ARHGEF3: variants seen among roughly 807,000 people sequenced by gnomAD.
The protein encoded by ARHGEF3 is Rho guanine nucleotide exchange factor 3.
ARHGEF3 carries 28 observed loss-of-function variants against 63.2 expected under a neutral mutation model. That is an observed-to-expected ratio of 0.44 (90% CI 0.33 to 0.61). The LOEUF (loss-of-function observed/expected upper bound fraction) is 0.61. Ranked by LOEUF, ARHGEF3 falls within the 20% of genes least tolerant of loss-of-function variation. ARHGEF3 has a pLI of 0.03. For synonymous variants in ARHGEF3, 266 were observed against 254.2 expected (o/e 1.05, Z -0.44); for missense variants, 533 against 659.3 (o/e 0.81, Z 2.10).
chr3:57,046,004 T>C lies in ARHGEF3; in HGVS notation c.-27-10828A>G, dbSNP rs141452733. 2.6e-3 allele frequency among the ~76,000 whole-genome samples: 389 copies of C among 151,700 alleles called. 5 individuals carry two copies. Among genetic ancestry groups the C allele is most frequent in the South Asian group, 0.018 (88 of 4,792 alleles). ...AAATGCTTAAGTACAGCATACTTCATGCCCAGAGTGCTTCAAAATGCAGAA... is the reference window on the plus strand; with the variant it reads ...AAATGCTTAAGTACAGCATACTTCACGCCCAGAGTGCTTCAAAATGCAGAA... On this transcript the variant is annotated intron_variant, in intron 1 of 12. Transcript: ENST00000338458.
chr3:57,034,656 C>CTTAATTCTT (rs1431237799), intron 2 of ARHGEF3, among the ~76,000 whole-genome samples: 6 of 109,516 alleles, frequency 5.5e-5, no homozygotes, highest in African/African-American at 2.2e-4. Flanking sequence ...ACTCCAAATT[C>CTTAATTCTT]TTTTTTTTTT....
chr3:56,865,363 T>G (rs1282156080), intron 4 of ARHGEF3, among the ~76,000 whole-genome samples: 2 of 152,190 alleles, frequency 1.3e-5, no homozygotes, highest in Non-Finnish European at 2.9e-5. Flanking sequence ...CAGCAAGTTG[T>G]CAACAGCTAT....
chr3:57,037,819 G>A (rs1265711200), intron 1 of ARHGEF3, among the ~76,000 whole-genome samples: 1 of 152,180 alleles, frequency 6.6e-6, no homozygotes, highest in East Asian at 1.9e-4. Context: ...AGCTTGCAGT[G>A]AGCCAAGATT....
chr3:56,968,177 TAA>T (rs1237704113), intron 2 of ARHGEF3, among the ~76,000 whole-genome samples: 11 of 20,970 alleles, frequency 5.2e-4, no homozygotes, highest in East Asian at 0.013. Flanking sequence ...ATAATATATA[TAA>T]AAATATATAT....
intron 1 of ARHGEF3, among the ~76,000 whole-genome samples, chr3:56,799,544 G>A (rs1294315162): frequency 6.6e-6 from 1 of 152,140 alleles, no homozygotes; most frequent in Admixed American, 6.5e-5. Flanking sequence ...TCAATGCCTA[G>A]CTTATAAACA....
chr3:56,753,871 T>C (rs1185607422), intron 3 of ARHGEF3, among the ~76,000 whole-genome samples: 5 of 152,204 alleles, frequency 3.3e-5, no homozygotes, highest in African/African-American at 1.2e-4. Context: ...GTAAAATAAT[T>C]ACAGTGTGAG....
At chr3:56,774,511 A>C (rs1231023354) in intron 1 of ARHGEF3, among the ~76,000 whole-genome samples, 1 of 152,236 alleles carries the variant, frequency 6.6e-6, no homozygotes, top group Non-Finnish European at 1.5e-5. Flanking sequence ...CACATAAAAC[A>C]TTAGTTGCAA....
chr3:56,956,217 G>GTT (rs57803439), intron 3 of ARHGEF3, among the ~76,000 whole-genome samples: 13 of 149,814 alleles, frequency 8.7e-5, no homozygotes, highest in African/African-American at 2.0e-4. Flanking sequence ...CAGGGTTGGT[G>GTT]TTTTTTTTTT....
Position 56,795,655 on chromosome 3 carries a change from CT to C in ARHGEF3, c.96+6047del, listed in dbSNP as rs11306302. 0.013 allele frequency among the ~76,000 whole-genome samples: 1,749 copies of C among 130,404 alleles called. 91 individuals are homozygous for C. In the East Asian group the frequency reaches 0.17, roughly 13 times the overall value. The allele number at this position is 130,404 out of a possible 152,430, so 85.6% of individuals were successfully genotyped here. Reference sequence around the variant, plus strand: ...TTAACTTGTGACACAGTCTCTCTCTCTTTTTTTTTTTTGAAGATGGACTCTT... The same window carrying C: ...TTAACTTGTGACACAGTCTCTCTCTCTTTTTTTTTTTGAAGATGGACTCTT... On this transcript the variant is annotated intron_variant, in intron 1 of 9. Coordinates refer to ENST00000296315, the MANE Select transcript of ARHGEF3 (RefSeq NM_019555.3).
chr3:56,774,215 T>A (rs2036167570), intron 1 of ARHGEF3, among the ~76,000 whole-genome samples: 1 of 152,140 alleles, frequency 6.6e-6, no homozygotes, highest in Non-Finnish European at 1.5e-5. Context: ...TTCATCTCTT[T>A]AAAAACCTTT....
At chr3:56,959,236 G>A (rs1700173999) in intron 2 of ARHGEF3, among the ~76,000 whole-genome samples, 3 of 152,178 alleles carry the variant, frequency 2.0e-5, no homozygotes, top group Non-Finnish European at 4.4e-5. Flanking sequence ...ACACTATCAG[G>A]AGATGTATAG....
intron 3 of ARHGEF3, among the ~76,000 whole-genome samples, chr3:56,902,043 C>T (rs367912444): frequency 6.6e-5 from 10 of 152,282 alleles, no homozygotes; most frequent in African/African-American, 2.4e-4. Flanking sequence ...TTCTTACACA[C>T]TGAAATCGCC....
intron 3 of ARHGEF3, among the ~76,000 whole-genome samples, chr3:56,893,960 G>GAC (rs2041213042): frequency 4.0e-5 from 6 of 151,602 alleles, no homozygotes; most frequent in Admixed American, 3.9e-4. Flanking sequence ...TAAATGACTT[G>GAC]ACTAAGGCTG....
At chr3:56,930,898 G>C (rs557029864) in intron 3 of ARHGEF3, among the ~76,000 whole-genome samples, 2 of 152,272 alleles carry the variant, frequency 1.3e-5, no homozygotes, top group East Asian at 3.9e-4. Context: ...CAGGTATCAG[G>C]AGAAAAGAAA....
chr3:56,799,698 C>T (rs2037544758), intron 1 of ARHGEF3, among the ~76,000 whole-genome samples: 1 of 152,134 alleles, frequency 6.6e-6, no homozygotes, highest in Non-Finnish European at 1.5e-5. Flanking sequence ...CTGCCTTTTG[C>T]GCTGATAAGG....
chr3:56,909,888 T>C (rs1030232047), intron 3 of ARHGEF3, among the ~76,000 whole-genome samples: 6 of 152,116 alleles, frequency 3.9e-5, no homozygotes, highest in Non-Finnish European at 8.8e-5. Context: ...CATGGCTTGA[T>C]CCTGTGAGGT....
At chr3:56,976,228 A>C (rs1477103494) in intron 2 of ARHGEF3, among the ~76,000 whole-genome samples, 10 of 152,244 alleles carry the variant, frequency 6.6e-5, no homozygotes. Flanking sequence ...TTTTTAGTAG[A>C]GACGGGGTTT....
chr3:56,888,325 T>C (rs569139663), intron 3 of ARHGEF3, among the ~76,000 whole-genome samples: 3 of 152,276 alleles, frequency 2.0e-5, no homozygotes, highest in East Asian at 3.9e-4. Context: ...ACTCAGTCTC[T>C]GTGCTTTAAG....
At chr3:56,973,659 G>A (rs1450351524) in intron 2 of ARHGEF3, among the ~76,000 whole-genome samples, 1 of 152,162 alleles carries the variant, frequency 6.6e-6, no homozygotes, top group Non-Finnish European at 1.5e-5. Context: ...GTGCTTCAAA[G>A]AGGGAGACTC....
Sources: gnomAD v4.1 joint callset for allele counts (sites outside exome capture counted in the v4.1 genomes callset) on GRCh38, gnomAD v4.1.1 for gene constraint, MANE v1.5 for transcripts, NCBI Gene and HGNC (gene_info 2026-07-23, HGNC 2026-07-21) for gene names.